The following CACNA2D4 variants were observed in gnomAD, a reference collection of about 807,000 sequenced individuals.
The protein encoded by CACNA2D4 is calcium voltage-gated channel auxiliary subunit alpha2delta 4, also known as voltage-dependent calcium channel subunit alpha-2/delta-4.
Under a neutral mutation model 163.8 loss-of-function variants are expected in CACNA2D4, and 157 were observed. The observed-to-expected ratio is 0.96, with a 90% CI of 0.84 to 1.09. CACNA2D4 has a LOEUF of 1.09. Ranked by LOEUF, CACNA2D4 falls within the 50% of genes least tolerant of loss-of-function variation. The pLI, the probability that CACNA2D4 is intolerant of heterozygous loss-of-function variation, is 0.00. For missense variants in CACNA2D4, 1,410 were observed against 1,479.9 expected, an observed-to-expected ratio of 0.95 and a Z score of 0.78; for synonymous variants, 598 against 586.9, an observed-to-expected ratio of 1.02 and a Z score of -0.27.
chr12:1,885,232 A>G (rs1866107445), intron 9 of CACNA2D4, among the ~76,000 whole-genome samples, 156 bp from the exon 10 acceptor site: 1 of 152,204 alleles, frequency 6.6e-6, no homozygotes, highest in African/African-American at 2.4e-5. Flanking sequence ...CTGGTCCTCT[A>G]CAATAGGTGT....
At chr12:1,908,132 G>GATA in intron 4 of CACNA2D4, 95 bp from the exon 5 acceptor site, 1 of 1,291,472 alleles carries the variant, frequency 7.7e-7, no homozygotes, top group Non-Finnish European at 1.1e-6. Flanking sequence ...GGACGAGAGG[G>GATA]CCGGGGCCGG....
chr12:1,846,949 A>G, intron 23 of CACNA2D4, among the ~76,000 whole-genome samples: 1 of 152,222 alleles, frequency 6.6e-6, no homozygotes, highest in Admixed American at 6.5e-5. Flanking sequence ...GCCTCGGCAG[A>G]TCTAGCTCTT....
chr12:1,801,696 TG>T (rs1863339441), intron 29 of CACNA2D4, 52 bp from the exon 30 acceptor site: 1 of 1,311,648 alleles, frequency 7.6e-7, no homozygotes. Flanking sequence ...TGGAGCAGGA[TG>T]GAGCCTTCCG....
intron 6 of CACNA2D4, among the ~76,000 whole-genome samples, chr12:1,897,764 T>G (rs906083466): frequency 1.3e-5 from 2 of 152,114 alleles, no homozygotes. Flanking sequence ...TCAGACAAAA[T>G]ACACATTAAA....
intron 1 of CACNA2D4, among the ~76,000 whole-genome samples, chr12:1,915,865 A>G (rs763268904): frequency 2.6e-5 from 4 of 152,162 alleles, no homozygotes; most frequent in Non-Finnish European, 4.4e-5. Flanking sequence ...CACTCAACCA[A>G]TGTTTATCAA....
chr12:1,797,634 T>G, intron 34 of CACNA2D4, 99 bp from the exon 35 acceptor site: 1 of 871,296 alleles, frequency 1.1e-6, no homozygotes, highest in Non-Finnish European at 1.8e-6. Flanking sequence ...CCAGTGCATT[T>G]GCAGAGGGTC....
At chr12:1,907,759 T>G in intron 5 of CACNA2D4, 116 bp downstream of exon 5, 2 of 1,336,842 alleles carry the variant, frequency 1.5e-6, no homozygotes, top group Non-Finnish European at 2.1e-6. Flanking sequence ...CTGGTGGGTG[T>G]GTCTGGTGGG....
At chr12:1,861,561 G>A (rs1865525658) in intron 18 of CACNA2D4, among the ~76,000 whole-genome samples, 1 of 151,460 alleles carries the variant, frequency 6.6e-6, no homozygotes. Flanking sequence ...TCCCACCTCA[G>A]CCCCCAGAGT....
In CACNA2D4 at chr12:1,814,425, T is replaced by C. The variant is rs545231429; in HGVS notation, c.2552-2702A>G. ...GGCATTGCAACCGCCTATTGGCATGTCATCTGCCCTTGGGTCACAGAGCGC... is the reference window on the plus strand; with the variant it reads ...GGCATTGCAACCGCCTATTGGCATGCCATCTGCCCTTGGGTCACAGAGCGC... On this transcript the variant is annotated intron_variant, in intron 26 of 37. Coordinates refer to ENST00000382722, the MANE Select transcript of CACNA2D4 (RefSeq NM_172364.5). Among the ~76,000 whole-genome samples, 7 of 152,358 alleles carry C rather than the reference T, an allele frequency of 4.6e-5. No individual in the cohort carries two copies. In the East Asian group the frequency reaches 1.3e-3, roughly 29 times the overall value.
intron 18 of CACNA2D4, among the ~76,000 whole-genome samples, chr12:1,862,042 G>C (rs960688129): frequency 2.0e-5 from 3 of 152,218 alleles, no homozygotes; most frequent in Non-Finnish European, 4.4e-5. Context: ...CTATATTGCT[G>C]TCCGTCCAGT....
chr12:1,881,743 C>G (rs539859745), intron 13 of CACNA2D4, among the ~76,000 whole-genome samples: 28 of 152,396 alleles, frequency 1.8e-4, no homozygotes, highest in African/African-American at 6.7e-4. Context: ...GCCAGCTCGT[C>G]TCTTCTCAGC....
rs1309463828 is a variant in CACNA2D4 at position 1,845,587 on chromosome 12, G to C, written c.2342+1007C>G. Among the ~76,000 whole-genome samples the C allele has an allele frequency of 2.0e-5, 3 of 152,094 alleles. 1 individual carries two copies. Among genetic ancestry groups the C allele is most frequent in the Non-Finnish European group, 4.4e-5 (3 of 68,004 alleles). On this transcript the variant is annotated intron_variant, in intron 24 of 37. Transcript: ENST00000382722. ...AGGCGAGGAGAGTAGGGTCAGGTCGGCTCAGGGGCCCTGGGCTGCTCTCCA... is the reference window on the plus strand; with the variant it reads ...AGGCGAGGAGAGTAGGGTCAGGTCGCCTCAGGGGCCCTGGGCTGCTCTCCA...
In CACNA2D4 at chr12:1,856,151, C is replaced by T. The variant is rs750146350; in HGVS notation, c.2054+33G>A. ...TCAGTGTTATCTCAAAACATTCCACCTGTCTCCCTCCCATTTTTTACTCCT... is the reference window on the plus strand; with the variant it reads ...TCAGTGTTATCTCAAAACATTCCACTTGTCTCCCTCCCATTTTTTACTCCT... On this transcript the variant is annotated intron_variant, in intron 21 of 37. Coordinates refer to ENST00000382722, the MANE Select transcript of CACNA2D4 (RefSeq NM_172364.5). 42 of 1,613,740 alleles carry T rather than the reference C, an allele frequency of 2.6e-5. 1 individual carries two copies. Among genetic ancestry groups the T allele is most frequent in the African/African-American group, 8.0e-5 (6 of 74,934 alleles).
chr12:1,867,052 C>T (rs1046949115), intron 18 of CACNA2D4, among the ~76,000 whole-genome samples: 1 of 152,058 alleles, frequency 6.6e-6, no homozygotes, highest in Non-Finnish European at 1.5e-5. Flanking sequence ...TTTGTTGGTT[C>T]TTATATACAG....
chr12:1,879,032 G>C lies in CACNA2D4; in HGVS notation c.1568C>G (p.Ser523Cys), dbSNP rs1373114127. 6.2e-7 allele frequency: 1 copy of C among 1,613,590 alleles called. No individual in the cohort carries two copies. Among genetic ancestry groups the C allele is most frequent in the Non-Finnish European group, 8.5e-7 (1 of 1,179,756 alleles). Residue 523 changes from serine (S) to cysteine (C), a missense_variant, in exon 15 of 38, where the codon TCC (serine) becomes TGC (cysteine). Ser to Cys is a moderately radical substitution (Grantham distance 112). Coordinates refer to ENST00000382722, the MANE Select transcript of CACNA2D4 (RefSeq NM_172364.5). ...PVFSKKNETR[S>C]HGILLGVVGS... ...CACCACACCCAGGAGAATGCCATGG[G>C]ATCGCTGGAAGGAAAGACACAAGGG...
chr12:1,818,859 G>C (rs145915509), intron 26 of CACNA2D4, among the ~76,000 whole-genome samples: 194 of 133,318 alleles, frequency 1.5e-3, no homozygotes, highest in African/African-American at 4.8e-3. Flanking sequence ...TGCGGAAGGC[G>C]GCAGGGCCCT....
intron 35 of CACNA2D4, 39 bp downstream of exon 35, chr12:1,797,379 G>A (rs1475390652): frequency 8.6e-6 from 12 of 1,400,208 alleles, no homozygotes; most frequent in Admixed American, 2.0e-5. Flanking sequence ...AGGGCGGGAG[G>A]AGTGTGGCGG....
chr12:1,885,177 A>T, intron 9 of CACNA2D4, 101 bp from the exon 10 acceptor site: 1 of 922,964 alleles, frequency 1.1e-6, no homozygotes. Flanking sequence ...GCCATCCAGA[A>T]GGACATGATT....
chr12:1,896,511 T>C (rs748227415), intron 6 of CACNA2D4, among the ~76,000 whole-genome samples: 1 of 151,934 alleles, frequency 6.6e-6, no homozygotes, highest in Non-Finnish European at 1.5e-5. Flanking sequence ...CCAATAGATA[T>C]ATGAAAAAAT....
Sources: allele counts gnomAD v4.1 joint callset (sites outside exome capture counted in the v4.1 genomes callset), GRCh38; gene constraint gnomAD v4.1.1; transcripts MANE v1.5; gene names NCBI Gene and HGNC (gene_info 2026-07-23, HGNC 2026-07-21).